The following TBCK variants were observed in gnomAD, a reference collection of about 807,000 sequenced individuals.
The protein encoded by TBCK is TBC1 domain containing kinase.
A neutral mutation model predicts 113.4 loss-of-function variants in TBCK; 99 were observed. That is an observed-to-expected ratio of 0.87 (90% CI 0.74 to 1.03). The LOEUF (loss-of-function observed/expected upper bound fraction) is 1.03, where lower values mean the gene tolerates loss of function less well. TBCK is among the 50% of genes least tolerant of loss of function. TBCK has a pLI of 0.00. For synonymous variants in TBCK, 369 were observed against 370.8 expected (o/e 1.00, Z 0.05); for missense variants, 1,045 against 1,061.3 (o/e 0.98, Z 0.21).
At chr4:106,183,182 C>T (rs1380335956) in intron 22 of TBCK, among the ~76,000 whole-genome samples, 1 of 152,036 alleles carries the variant, frequency 6.6e-6, no homozygotes, top group Non-Finnish European at 1.5e-5. Context: ...CATAGCATTT[C>T]AGGTGGCCAA....
intron 25 of TBCK, among the ~76,000 whole-genome samples, chr4:106,069,134 A>C (rs1015670699): frequency 1.3e-5 from 2 of 152,090 alleles, no homozygotes; most frequent in Admixed American, 1.3e-4. Flanking sequence ...GCTGTGCAGA[A>C]GCTCTTTAGT....
chr4:106,226,730 T>C (rs536173624), intron 19 of TBCK, among the ~76,000 whole-genome samples: 6 of 152,272 alleles, frequency 3.9e-5, no homozygotes, highest in South Asian at 2.1e-4. Flanking sequence ...TTAAATTGCA[T>C]AGTTTCTGAA....
At chr4:106,231,073 T>A (rs1001478685) in intron 18 of TBCK, among the ~76,000 whole-genome samples, 3 of 151,750 alleles carry the variant, frequency 2.0e-5, no homozygotes, top group Admixed American at 2.0e-4. Flanking sequence ...TGAAATAGAA[T>A]CTGAAAATAG....
At chr4:106,241,901 A>G (rs560526200) in intron 12 of TBCK, among the ~76,000 whole-genome samples, 1 of 152,076 alleles carries the variant, frequency 6.6e-6, no homozygotes, top group East Asian at 1.9e-4. Context: ...AAAAATTTAG[A>G]ATTCTATTCA....
intron 3 of TBCK, among the ~76,000 whole-genome samples, chr4:106,282,045 T>C (rs1008591109): frequency 3.9e-5 from 6 of 152,168 alleles, no homozygotes; most frequent in Admixed American, 6.5e-5. Context: ...GGGCATTTCT[T>C]TGCTGGGAGA....
chr4:106,058,128 G>A (rs1263829819), intron 25 of TBCK, among the ~76,000 whole-genome samples: 1 of 151,780 alleles, frequency 6.6e-6, no homozygotes, highest in African/African-American at 2.4e-5. Context: ...CACCATGCTA[G>A]GGGCTGGGGA....
chr4:106,125,277 G>A (rs1745052092), intron 23 of TBCK, among the ~76,000 whole-genome samples: 1 of 152,084 alleles, frequency 6.6e-6, no homozygotes, highest in Non-Finnish European at 1.5e-5. Flanking sequence ...GCACTCCCAT[G>A]TTCATTACAG....
chr4:106,177,494 T>C (rs1751816174), intron 22 of TBCK, among the ~76,000 whole-genome samples: 1 of 151,982 alleles, frequency 6.6e-6, no homozygotes, highest in Admixed American at 6.6e-5. Flanking sequence ...AAAGTTTGAT[T>C]TAATTTTTGC....
At chr4:106,273,424 T>C (rs72876572) in intron 3 of TBCK, among the ~76,000 whole-genome samples, 4,095 of 152,302 alleles carry the variant, frequency 0.027, 176 homozygotes, top group African/African-American at 0.094. Context: ...CTTTTCTGCA[T>C]TTGAAATAAT....
intron 1 of TBCK, among the ~76,000 whole-genome samples, chr4:106,311,559 TA>T (rs1406463512): frequency 6.6e-6 from 1 of 151,788 alleles, no homozygotes; most frequent in Non-Finnish European, 1.5e-5. Context: ...TAAGGGAATT[TA>T]AAAAAAATAC....
intron 3 of TBCK, among the ~76,000 whole-genome samples, chr4:106,291,340 A>G (rs1288831216): frequency 6.6e-6 from 1 of 152,202 alleles, no homozygotes; most frequent in Non-Finnish European, 1.5e-5. Flanking sequence ...AAAAGGGGGA[A>G]AGACCCCATG....
chr4:106,251,111 T>C (rs540356681), intron 6 of TBCK: 18 of 391,650 alleles, frequency 4.6e-5, no homozygotes, highest in South Asian at 3.2e-4. Flanking sequence ...AATGATTGTG[T>C]GCCAAATTGG....
chr4:106,162,665 T>C (rs987418642), intron 23 of TBCK, among the ~76,000 whole-genome samples: 3 of 152,176 alleles, frequency 2.0e-5, no homozygotes, highest in African/African-American at 7.2e-5. Context: ...TGTGGGAAAC[T>C]GCAAGGCTTA....
chr4:106,209,686 A>C (rs187291993), intron 20 of TBCK, among the ~76,000 whole-genome samples: 1 of 152,088 alleles, frequency 6.6e-6, no homozygotes, highest in East Asian at 1.9e-4. Context: ...ATATCACCAA[A>C]TTCTATACAG....
intron 3 of TBCK, among the ~76,000 whole-genome samples, chr4:106,292,299 C>T (rs954648629): frequency 3.9e-5 from 6 of 152,022 alleles, no homozygotes; most frequent in African/African-American, 9.7e-5. Flanking sequence ...TGGCTGGGCG[C>T]GGTGGCTGAC....
At chr4:106,213,951 C>T (rs1242811843) in intron 19 of TBCK, among the ~76,000 whole-genome samples, 1 of 152,210 alleles carries the variant, frequency 6.6e-6, no homozygotes, top group African/African-American at 2.4e-5. Context: ...GTAACCTCTG[C>T]AGACTTAAAT....
In TBCK at chr4:106,042,968, G is replaced by A. The variant is rs1415639496; in HGVS notation, c.*3602C>T. On this transcript the variant is annotated 3_prime_UTR_variant, in exon 26 of 26. Coordinates refer to ENST00000394708, the MANE Select transcript of TBCK (RefSeq NM_001163435.3). ...TTCATGGAGCGGAGTTCCTTGAGAC[G>A]GTCACTTCATAAAGAGGTCTTAATT... 6.6e-6 allele frequency: 1 copy of A among 152,012 alleles called. No individual in the cohort carries two copies. Among genetic ancestry groups the A allele is most frequent in the Non-Finnish European group, 1.5e-5 (1 of 68,002 alleles). 9.4% of individuals were successfully genotyped at this position (152,012 alleles called of 1,614,324 possible).
At chr4:106,279,493 T>C (rs1319153758) in intron 3 of TBCK, among the ~76,000 whole-genome samples, 2 of 152,192 alleles carry the variant, frequency 1.3e-5, no homozygotes, top group Non-Finnish European at 1.5e-5. Context: ...TTTTAAGATG[T>C]ACAATAAATT....
chr4:106,235,286 C>T lies in TBCK; in HGVS notation c.1432G>A (p.Ala478Thr). Residue 478 changes from alanine (A) to threonine (T), a missense_variant, in exon 15 of 26, where the codon GCT becomes ACT. Ala to Thr is a moderately conservative substitution (Grantham distance 58, BLOSUM62 0). Transcript: ENST00000394708. Reference sequence around the variant, plus strand: ...TTCCTTACCTCAACTCCCAGAAGAGCAGCCCAGGTTAAACCTCTCATAAGA... The same window carrying T: ...TTCCTTACCTCAACTCCCAGAAGAGTAGCCCAGGTTAAACCTCTCATAAGA... ...PPLMRGLTWAALLGVEGAIHA... is the reference protein window; with the variant it reads ...PPLMRGLTWATLLGVEGAIHA... 6.2e-7 allele frequency: 1 copy of T among 1,603,748 alleles called. No individual in the cohort carries two copies. Among genetic ancestry groups the T allele is most frequent in the East Asian group, 2.2e-5 (1 of 44,488 alleles).
Sources: gnomAD v4.1 joint callset for allele counts (sites outside exome capture counted in the v4.1 genomes callset) on GRCh38, gnomAD v4.1.1 for gene constraint, MANE v1.5 for transcripts, NCBI Gene and HGNC (gene_info 2026-07-23, HGNC 2026-07-21) for gene names.